Variants in LYPLA1 observed in about 807,000 individuals in gnomAD.
LYPLA1 encodes the protein acyl-protein thioesterase 1.
Under a neutral mutation model 34.0 loss-of-function variants are expected in LYPLA1, and 17 were observed. That is an observed-to-expected ratio of 0.50 (90% CI 0.34 to 0.75). LYPLA1 has a LOEUF of 0.75. LYPLA1 is among the 30% of genes least tolerant of loss of function. The probability of loss-of-function intolerance (pLI) is 0.01; values close to 1 mark genes in which losing one functional copy is unlikely to be tolerated. For missense variants in LYPLA1, 203 were observed against 288.8 expected, an observed-to-expected ratio of 0.70 and a Z score of 2.15; for synonymous variants, 98 against 100.8, an observed-to-expected ratio of 0.97 and a Z score of 0.17.
chr8:54,100,990 G>A, intron 1 of LYPLA1, 51 bp from the exon 2 acceptor site: 3 of 1,447,420 alleles, frequency 2.1e-6, no homozygotes, highest in Admixed American at 1.7e-5. Flanking sequence ...AGCCCACACA[G>A]GATTGTTACA....
chr8:54,052,124 T>C (rs975483437), intron 7 of LYPLA1, among the ~76,000 whole-genome samples: 2 of 152,210 alleles, frequency 1.3e-5, no homozygotes, highest in Non-Finnish European at 2.9e-5. Flanking sequence ...GTGCTGGGAT[T>C]ACAGGCATGA....
At chr8:54,078,961 C>T (rs551611845) in intron 2 of LYPLA1, among the ~76,000 whole-genome samples, 84 of 150,444 alleles carry the variant, frequency 5.6e-4, no homozygotes, top group African/African-American at 1.8e-3. Flanking sequence ...TTTCAATGTA[C>T]GTATTTTCAG....
At chr8:54,095,811 C>T (rs1809641219) in intron 2 of LYPLA1, among the ~76,000 whole-genome samples, 1 of 151,360 alleles carries the variant, frequency 6.6e-6, no homozygotes, top group Non-Finnish European at 1.5e-5. Flanking sequence ...TCTCAAACAG[C>T]TGGGCTCAAG....
chr8:54,046,362 C>T (rs1805487775), downstream of LYPLA1: 1 of 152,492 alleles, frequency 6.6e-6, no homozygotes, highest in South Asian at 2.1e-4. Flanking sequence ...TTAAAATACT[C>T]AAAGTCACAG....
intron 2 of LYPLA1, among the ~76,000 whole-genome samples, chr8:54,085,837 C>T (rs532647831): frequency 2.7e-5 from 4 of 146,022 alleles, no homozygotes; most frequent in East Asian, 2.0e-4. Flanking sequence ...GCCGGCCAGC[C>T]GCCCCGTCCG....
At chr8:54,048,319 G>A (rs570162428) in intron 8 of LYPLA1, among the ~76,000 whole-genome samples, 5 of 152,138 alleles carry the variant, frequency 3.3e-5, no homozygotes, top group Non-Finnish European at 7.4e-5. Context: ...ACACTGAAAT[G>A]ACAGCTCCCA....
At chr8:54,074,239 A>G (rs1303228584) in intron 2 of LYPLA1, among the ~76,000 whole-genome samples, 1 of 152,194 alleles carries the variant, frequency 6.6e-6, no homozygotes, top group Non-Finnish European at 1.5e-5. Flanking sequence ...GTGCCACTGC[A>G]CTCCAGCCTG....
intron 1 of LYPLA1, among the ~76,000 whole-genome samples, chr8:54,101,148 G>C (rs1394130574): frequency 6.6e-6 from 1 of 151,254 alleles, no homozygotes; most frequent in Admixed American, 6.6e-5. Flanking sequence ...TAATGAATGG[G>C]GGGGGGGTAG....
At chr8:54,073,631 A>G in intron 2 of LYPLA1, 2 of 485,910 alleles carry the variant, frequency 4.1e-6, no homozygotes, top group Admixed American at 6.6e-5. Flanking sequence ...ATGACCAGTA[A>G]AGGCTGCTGC....
intron 8 of LYPLA1, 57 bp from the exon 9 acceptor site, chr8:54,048,175 T>C: frequency 9.0e-7 from 1 of 1,109,344 alleles, no homozygotes; most frequent in South Asian, 1.3e-5. Context: ...GAAATTAAAT[T>C]CCCACTAAAA....
chr8:54,068,339 C>CT (rs1295982810), intron 2 of LYPLA1, among the ~76,000 whole-genome samples: 1 of 152,238 alleles, frequency 6.6e-6, no homozygotes, highest in East Asian at 1.9e-4. Flanking sequence ...AGAATACCAC[C>CT]TGACTTTGCA....
At position 54,101,713 on chromosome 8, in the gene LYPLA1, C is replaced by T. The variant is rs531375378; in HGVS notation, c.69+42G>A. 2.4e-6 allele frequency: 3 copies of T among 1,268,892 alleles called. No individual in the cohort carries two copies. In the African/African-American group the frequency reaches 4.7e-5, roughly 20 times the overall value. The allele number at this position is 1,268,892 out of a possible 1,614,324, so 78.6% of individuals were successfully genotyped here. Reference sequence around the variant, plus strand: ...CGCGCGAGGGGCAACCACCGGTGGCCGGCCCAGTGGACCCCTCCGAGCCCA... The same window carrying T: ...CGCGCGAGGGGCAACCACCGGTGGCTGGCCCAGTGGACCCCTCCGAGCCCA... On this transcript the variant is annotated intron_variant, in intron 1 of 8. Transcript: ENST00000316963.
chr8:54,083,997 G>T (rs1808498370), intron 2 of LYPLA1, among the ~76,000 whole-genome samples: 1 of 151,704 alleles, frequency 6.6e-6, no homozygotes, highest in African/African-American at 2.4e-5. Flanking sequence ...AACTAGCCCG[G>T]TGTGGCAGTG....
intron 8 of LYPLA1, among the ~76,000 whole-genome samples, chr8:54,049,301 C>G (rs1805684006): frequency 6.6e-6 from 1 of 152,254 alleles, no homozygotes; most frequent in South Asian, 2.1e-4. Flanking sequence ...CTCCTTCATT[C>G]TATCAAGTGA....
Position 54,065,603 on chromosome 8 carries a change from A to C in LYPLA1, c.167+145T>G, listed in dbSNP as rs146698733. Reference sequence around the variant, plus strand: ...TTACCTAAGAAACCATTTTAGTTTTAAGGAATTCTACTAATCTTTATTTTT... The same window carrying C: ...TTACCTAAGAAACCATTTTAGTTTTCAGGAATTCTACTAATCTTTATTTTT... On this transcript the variant is annotated intron_variant, in intron 3 of 8. Transcript: ENST00000316963. 2.8e-5 allele frequency: 14 copies of C among 499,034 alleles called. No individual in the cohort carries two copies. In the East Asian group the frequency reaches 4.4e-4, roughly 16 times the overall value. 30.9% of individuals were successfully genotyped at this position (499,034 alleles called of 1,614,324 possible).
At chr8:54,063,305 T>C in intron 4 of LYPLA1, 23 bp downstream of exon 4, 1 of 1,384,758 alleles carries the variant, frequency 7.2e-7, no homozygotes, top group Non-Finnish European at 9.8e-7. Context: ...ATGTTCTTAT[T>C]CAATAAGTAA....
chr8:54,092,805 G>A (rs188228104), intron 2 of LYPLA1, among the ~76,000 whole-genome samples: 141 of 152,218 alleles, frequency 9.3e-4, no homozygotes, highest in African/African-American at 2.9e-3. Context: ...AACATAATGA[G>A]TCCCTGTCTC....
intron 2 of LYPLA1, among the ~76,000 whole-genome samples, chr8:54,069,794 C>T (rs1807332732): frequency 6.6e-6 from 1 of 151,220 alleles, no homozygotes; most frequent in Non-Finnish European, 1.5e-5. Flanking sequence ...TGAATTTTAC[C>T]TCGAATTAAA....
chr8:54,073,116 G>A (rs368631626), intron 2 of LYPLA1: 12 of 690,628 alleles, frequency 1.7e-5, no homozygotes, highest in African/African-American at 3.5e-5. Context: ...AGGAACTTGC[G>A]CGTCCATCTC....
Sources: gnomAD v4.1 joint callset for allele counts (sites outside exome capture counted in the v4.1 genomes callset) on GRCh38, gnomAD v4.1.1 for gene constraint, MANE v1.5 for transcripts, NCBI Gene and HGNC (gene_info 2026-07-23, HGNC 2026-07-21) for gene names.